Variants in CADPS observed in about 807,000 individuals in gnomAD.
The protein encoded by CADPS is calcium-dependent secretion activator 1.
A neutral mutation model predicts 167.3 loss-of-function variants in CADPS; 57 were observed. That is an observed-to-expected ratio of 0.34 (90% CI 0.28 to 0.42). The LOEUF is 0.42. CADPS is among the 20% of genes least tolerant of loss of function. The pLI is 1.00. For synonymous variants in CADPS, 676 were observed against 635.3 expected, an observed-to-expected ratio of 1.06 and a Z score of -0.96; for missense variants, 1,414 against 1,738.1, an observed-to-expected ratio of 0.81 and a Z score of 3.32.
At chr3:62,644,662 C>G (rs2068135692) in intron 6 of CADPS, among the ~76,000 whole-genome samples, 1 of 152,198 alleles carries the variant, frequency 6.6e-6, no homozygotes, top group Non-Finnish European at 1.5e-5. Context: ...TTGAATTTCT[C>G]CTTGCCCAGG....
intron 1 of CADPS, among the ~76,000 whole-genome samples, chr3:62,864,109 A>G (rs973845612): frequency 1.2e-4 from 19 of 152,340 alleles, no homozygotes; most frequent in African/African-American, 4.6e-4. Flanking sequence ...GACAACTTTT[A>G]TAGGAAGACT....
At chr3:62,437,886 G>A (rs1007664840) in intron 28 of CADPS, among the ~76,000 whole-genome samples, 3 of 152,100 alleles carry the variant, frequency 2.0e-5, no homozygotes, top group African/African-American at 7.2e-5. Flanking sequence ...GCCGTCCTAC[G>A]TATCACACAG....
At chr3:62,527,801 C>T (rs146056270) in intron 13 of CADPS, among the ~76,000 whole-genome samples, 3 of 152,042 alleles carry the variant, frequency 2.0e-5, no homozygotes, top group Admixed American at 6.6e-5. Context: ...GTTGTGAGAT[C>T]TCAGTGGAAA....
intron 27 of CADPS, chr3:62,440,623 C>A (rs1182443587): frequency 2.6e-5 from 4 of 151,816 alleles, no homozygotes; most frequent in South Asian, 2.1e-4. Flanking sequence ...AGCCTCAGCA[C>A]AAAACATGTG....
intron 4 of CADPS, among the ~76,000 whole-genome samples, chr3:62,659,440 A>G (rs2072599035): frequency 6.6e-6 from 1 of 152,208 alleles, no homozygotes; most frequent in Admixed American, 6.5e-5. Flanking sequence ...AAGCTGAGGG[A>G]AAAGCAGGTA....
At chr3:62,820,533 C>A (rs1030472088) in intron 1 of CADPS, among the ~76,000 whole-genome samples, 7 of 152,074 alleles carry the variant, frequency 4.6e-5, no homozygotes, top group African/African-American at 1.7e-4. Flanking sequence ...GTGTTTTTAA[C>A]CTCTCTTACT....
intron 1 of CADPS, among the ~76,000 whole-genome samples, chr3:62,816,684 G>C (rs1359018815): frequency 6.6e-6 from 1 of 151,518 alleles, no homozygotes; most frequent in African/African-American, 2.4e-5. Context: ...CCTTAGTGCA[G>C]AACTGTAAGA....
intron 4 of CADPS, among the ~76,000 whole-genome samples, chr3:62,656,877 C>T (rs2071746696): frequency 6.6e-6 from 1 of 152,152 alleles, no homozygotes; most frequent in Non-Finnish European, 1.5e-5. Flanking sequence ...TCCACTTGAA[C>T]AAGCTTCAGA....
intron 4 of CADPS, among the ~76,000 whole-genome samples, chr3:62,661,636 G>A (rs1163049430): frequency 1.3e-5 from 2 of 152,140 alleles, no homozygotes; most frequent in Non-Finnish European, 2.9e-5. Flanking sequence ...TTGAGGCTCT[G>A]TTTTGAGATG....
intron 3 of CADPS, among the ~76,000 whole-genome samples, chr3:62,708,758 T>C (rs2082798225): frequency 6.6e-6 from 1 of 152,046 alleles, no homozygotes; most frequent in Non-Finnish European, 1.5e-5. Context: ...TTGCCTCCAC[T>C]GTGGGATCAA....
At position 62,458,271 on chromosome 3, in the gene CADPS, G is replaced by A. The variant is rs1174925061; in HGVS notation, c.3636+7096C>T. Reference sequence around the variant, plus strand: ...TGAGGCAGCTATCAGCATTCCCACTGTATAGATGAAGAAACCAAGGCTCAG... The same window carrying A: ...TGAGGCAGCTATCAGCATTCCCACTATATAGATGAAGAAACCAAGGCTCAG... On this transcript the variant is annotated intron_variant, in intron 26 of 29. Transcript: ENST00000383710. The surrounding 1 kb of genome is among the most constrained non-coding windows in gnomAD (Gnocchi z 4.6). Among the ~76,000 whole-genome samples the A allele has an allele frequency of 3.3e-5, 5 of 152,118 alleles. No individual in the cohort carries two copies. Among genetic ancestry groups the A allele is most frequent in the Non-Finnish European group, 4.4e-5 (3 of 68,028 alleles).
intron 6 of CADPS, among the ~76,000 whole-genome samples, chr3:62,617,711 G>A (rs1198054469): frequency 2.0e-5 from 3 of 152,134 alleles, no homozygotes; most frequent in Admixed American, 1.3e-4. Flanking sequence ...AACACACATG[G>A]TGTCAGTTCT....
intron 6 of CADPS, among the ~76,000 whole-genome samples, chr3:62,642,904 C>T (rs978980270): frequency 1.4e-5 from 2 of 146,512 alleles, no homozygotes; most frequent in African/African-American, 2.5e-5. Context: ...GAGTAAGACC[C>T]TATCTCAAAA....
Position 62,557,388 on chromosome 3 carries a change from T to G in CADPS, c.1753+17A>C. ...TTGAGGGTTTGTGGGCTCGTGGCCT[T>G]GAGGGTCGGTGGGTACCTGGCTGGG... On this transcript the variant is annotated intron_variant, in intron 10 of 29. Transcript: ENST00000383710. 7.6e-6 allele frequency: 12 copies of G among 1,582,880 alleles called. No individual in the cohort carries two copies. Among genetic ancestry groups the G allele is most frequent in the East Asian group, 2.2e-5 (1 of 44,754 alleles).
In CADPS at chr3:62,701,198, T is replaced by C. The variant is rs554941013; in HGVS notation, c.889-38804A>G. 8.7e-4 allele frequency among the ~76,000 whole-genome samples: 133 copies of C among 152,194 alleles called. 2 individuals are homozygous for C. The highest frequency in any genetic ancestry group is 3.0e-3 in the African/African-American group (125 of 41,494). On this transcript the variant is annotated intron_variant, in intron 3 of 29. Coordinates refer to ENST00000383710, the MANE Select transcript of CADPS (RefSeq NM_003716.4). ...TTCAGTCTAAAACAGAAACCCTTAGTTGGATCCCAGAAACTGCCGTTACAC... is the reference window on the plus strand; with the variant it reads ...TTCAGTCTAAAACAGAAACCCTTAGCTGGATCCCAGAAACTGCCGTTACAC...
chr3:62,763,084 C>A (rs1304707291), intron 2 of CADPS, among the ~76,000 whole-genome samples: 1 of 152,184 alleles, frequency 6.6e-6, no homozygotes, highest in Non-Finnish European at 1.5e-5. Flanking sequence ...TTACATTCTT[C>A]CTGAAAATGG....
At chr3:62,692,190 T>C (rs1266628446) in intron 3 of CADPS, among the ~76,000 whole-genome samples, 4 of 151,826 alleles carry the variant, frequency 2.6e-5, no homozygotes, top group Non-Finnish European at 5.9e-5. Flanking sequence ...TATATACATA[T>C]ATATAGATAT....
At chr3:62,800,314 A>G (rs941851856) in intron 1 of CADPS, among the ~76,000 whole-genome samples, 2 of 151,690 alleles carry the variant, frequency 1.3e-5, no homozygotes, top group African/African-American at 2.4e-5. Context: ...CATCATCATC[A>G]TCATTCTTTT....
At chr3:62,649,970 T>C (rs978939677) in intron 5 of CADPS, among the ~76,000 whole-genome samples, 4 of 152,176 alleles carry the variant, frequency 2.6e-5, no homozygotes, top group Admixed American at 1.3e-4. Context: ...ATTTTGTCGA[T>C]CCATTCACCA....
Sources: allele counts gnomAD v4.1 joint callset (sites outside exome capture counted in the v4.1 genomes callset), GRCh38; gene constraint gnomAD v4.1.1; non-coding constraint Gnocchi (gnomAD v3.1); transcripts MANE v1.5; gene names NCBI Gene and HGNC (gene_info 2026-07-23, HGNC 2026-07-21).